The following AACS variants were observed in gnomAD, a reference collection of about 807,000 sequenced individuals.
The protein encoded by AACS is acetoacetyl-CoA synthetase, also known as acetoacetate-CoA ligase.
Under a neutral mutation model 83.1 loss-of-function variants are expected in AACS, and 69 were observed. The ratio of observed to expected loss-of-function variants is 0.83; its 90% CI spans 0.68 to 1.01. The LOEUF (loss-of-function observed/expected upper bound fraction) is 1.01, where lower values mean the gene tolerates loss of function less well. AACS is among the 50% of genes least tolerant of loss of function. The pLI, the probability that AACS is intolerant of heterozygous loss-of-function variation, is 0.00. For synonymous variants in AACS, 333 were observed against 343.4 expected (o/e 0.97, Z 0.33); for missense variants, 866 against 882.2 (o/e 0.98, Z 0.23).
At position 125,130,983 on chromosome 12, in the gene AACS, G is replaced by C. The variant is rs369853731; in HGVS notation, c.1549+1523G>C. 6.6e-6 allele frequency among the ~76,000 whole-genome samples: 1 copy of C among 152,158 alleles called. No homozygotes were observed. Among genetic ancestry groups the C allele is most frequent in the African/African-American group, 2.4e-5 (1 of 41,440 alleles). ...CTTAGACCCTTCCTCAAGCACCAGC[G>C]CTGAGAGATTCTTGGGCTGTATAGG... On this transcript the variant is annotated intron_variant, in intron 14 of 17. Coordinates refer to ENST00000316519, the MANE Select transcript of AACS (RefSeq NM_023928.5). This position sits in a 1 kb window ranked among gnomAD's most constrained non-coding sequence, Gnocchi z 4.9.
At chr12:125,121,638 A>G (rs1386322939) in intron 10 of AACS, 1 of 152,210 alleles carries the variant, frequency 6.6e-6, no homozygotes, top group Non-Finnish European at 1.5e-5. Context: ...TCTGGACAGA[A>G]TTAGGGCCAG....
At chr12:125,093,077 GC>G (rs75428090) in intron 5 of AACS, among the ~76,000 whole-genome samples, 1,843 of 152,334 alleles carry the variant, frequency 0.012, 33 homozygotes, top group East Asian at 0.094. Flanking sequence ...TTTGTGTGGA[GC>G]CGGGGACAGG....
At chr12:125,121,764 A>AGG (rs1433096632) in intron 10 of AACS, 2 of 152,284 alleles carry the variant, frequency 1.3e-5, no homozygotes, top group Non-Finnish European at 2.9e-5. Flanking sequence ...TCTAGAGGGC[A>AGG]GGGGCCTCGT....
In AACS at chr12:125,140,637, AG is replaced by A. The variant is rs1261879489; in HGVS notation, c.1882-1453del. 1 of 151,502 alleles carries A rather than the reference AG, an allele frequency of 6.6e-6. No individual in the cohort carries two copies. The highest frequency in any genetic ancestry group is 2.4e-5 in the African/African-American group (1 of 41,292). 9.4% of individuals were successfully genotyped at this position (151,502 alleles called of 1,614,324 possible). On this transcript the variant is annotated intron_variant, in intron 17 of 17. Coordinates refer to ENST00000316519, the MANE Select transcript of AACS (RefSeq NM_023928.5). This position sits in a 1 kb window ranked among gnomAD's most constrained non-coding sequence, Gnocchi z 5.1. ...AAAAAAAAAAAGGCGCCAGTGATCG[AG>A]GACTCGTCACTGGGCTCTGTTGCTC...
At chr12:125,132,026 T>G (rs1253741156) in intron 14 of AACS, among the ~76,000 whole-genome samples, 10 of 152,248 alleles carry the variant, frequency 6.6e-5, no homozygotes, top group Non-Finnish European at 1.5e-4. Context: ...TCCCACTGTA[T>G]TTCCACTTTC....
At chr12:125,107,293 A>G (rs995468117) in intron 8 of AACS, 25 bp downstream of exon 8, 13 of 1,610,308 alleles carry the variant, frequency 8.1e-6, no homozygotes, top group Non-Finnish European at 1.1e-5. Flanking sequence ...AAGGCTCTGC[A>G]GGGCCTCCTG....
chr12:125,077,868 C>T (rs909007729), intron 3 of AACS, among the ~76,000 whole-genome samples: 12 of 152,102 alleles, frequency 7.9e-5, no homozygotes, highest in African/African-American at 2.9e-4. Context: ...ACCACCATTG[C>T]TGGCTAATTT....
intron 9 of AACS, among the ~76,000 whole-genome samples, chr12:125,117,082 C>T (rs1957067114): frequency 6.6e-6 from 1 of 152,042 alleles, no homozygotes; most frequent in Non-Finnish European, 1.5e-5. Flanking sequence ...GCTGAGACCA[C>T]AGGTGCACTC....
intron 3 of AACS, among the ~76,000 whole-genome samples, chr12:125,081,473 C>T (rs2136054819): frequency 6.6e-6 from 1 of 152,276 alleles, no homozygotes; most frequent in African/African-American, 2.4e-5. Context: ...GCATGTTTTT[C>T]CTGACTTGTT....
Position 125,113,290 on chromosome 12 carries a change from A to T in AACS, c.916-1187A>T, listed in dbSNP as rs1441850418. ...GTTTTAATATATAAGTCCTTGCTTC[A>T]GCCTTCTAGGCCCTCCACAACCAGG... On this transcript the variant is annotated intron_variant, in intron 8 of 17. Coordinates refer to ENST00000316519, the MANE Select transcript of AACS (RefSeq NM_023928.5). This position sits in a 1 kb window ranked among gnomAD's most constrained non-coding sequence, Gnocchi z 4.8. Among the ~76,000 whole-genome samples, 1 of 152,246 alleles carries T rather than the reference A, an allele frequency of 6.6e-6. No homozygotes were observed. Among genetic ancestry groups the T allele is most frequent in the Non-Finnish European group, 1.5e-5 (1 of 68,038 alleles).
chr12:125,136,603 G>T, intron 16 of AACS, 59 bp from the exon 17 acceptor site: 2 of 1,498,700 alleles, frequency 1.3e-6, no homozygotes, highest in Non-Finnish European at 9.2e-7. Flanking sequence ...TTGCTGTGAG[G>T]CCCGACCCCA....
Position 125,133,993 on chromosome 12 carries a change from G to A in AACS, c.1550-10G>A. 6.2e-7 allele frequency: 1 copy of A among 1,614,152 alleles called. No homozygotes were observed. ...CTCGGGATGACCGGGCACCTCTGCT[G>A]TCTTTGCAGGTATCTGGGCTCATGG... On this transcript the variant is annotated splice_polypyrimidine_tract_variant and intron_variant, in intron 14 of 17. Coordinates refer to ENST00000316519, the MANE Select transcript of AACS (RefSeq NM_023928.5).
chr12:125,075,361 G>A (rs1275859317), intron 2 of AACS, among the ~76,000 whole-genome samples: 7 of 150,100 alleles, frequency 4.7e-5, no homozygotes, highest in Non-Finnish European at 3.0e-5. Context: ...AGTGCATCTC[G>A]GCTCACTGCA....
Position 125,103,025 on chromosome 12 carries a change from G to A in AACS, c.711G>A (p.Val237=), listed in dbSNP as rs1956749969. The change falls in exon 7 of 18, where the codon GTG becomes GTA. Residue 237 remains valine, a synonymous_variant. Coordinates refer to ENST00000316519, the MANE Select transcript of AACS (RefSeq NM_023928.5). ...GCCTACCAGACTTGAAGAAAGTGGT[G>A]GTGATTCCTTATGTGTCCTCCAGAG... ...VKGLPDLKKV[V]VIPYVSSREN... 2.5e-6 allele frequency: 4 copies of A among 1,613,920 alleles called. No individual in the cohort carries two copies. The highest frequency in any genetic ancestry group is 3.4e-6 in the Non-Finnish European group (4 of 1,180,010).
chr12:125,087,897 C>G (rs926964799), intron 4 of AACS, among the ~76,000 whole-genome samples: 1 of 152,228 alleles, frequency 6.6e-6, no homozygotes, highest in South Asian at 2.1e-4. Flanking sequence ...CCTCCTGTCT[C>G]AGCCCTTGGC....
rs1189283298 is a variant in AACS, at chr12:125,129,926, T to C, written c.1549+466T>C. On this transcript the variant is annotated intron_variant, in intron 14 of 17. Coordinates refer to ENST00000316519, the MANE Select transcript of AACS (RefSeq NM_023928.5). The surrounding 1 kb of genome is among the most constrained non-coding windows in gnomAD (Gnocchi z 4.3). ...GAAGAGCGCTTTTGCGGTGGAAGCATTTACAACCCGACACGTCACTCTCAC... is the reference window on the plus strand; with the variant it reads ...GAAGAGCGCTTTTGCGGTGGAAGCACTTACAACCCGACACGTCACTCTCAC... Among the ~76,000 whole-genome samples the C allele has an allele frequency of 6.6e-6, 1 of 151,640 alleles. No individual in the cohort carries two copies. The highest frequency in any genetic ancestry group is 1.9e-4 in the East Asian group (1 of 5,132).
chr12:125,109,848 G>A (rs1956914015), intron 8 of AACS, among the ~76,000 whole-genome samples: 1 of 152,146 alleles, frequency 6.6e-6, no homozygotes, highest in Non-Finnish European at 1.5e-5. Context: ...GGGTATGTCT[G>A]GTGTCTCCTC....
Position 125,065,631 on chromosome 12 carries a change from A to C in AACS, c.47A>C (p.Gln16Pro), listed in dbSNP as rs368846302. 5.3e-5 allele frequency: 82 copies of C among 1,539,276 alleles called. No individual in the cohort carries two copies. Among genetic ancestry groups the C allele is most frequent in the Non-Finnish European group, 7.1e-5 (81 of 1,141,008 alleles). Residue 16 changes from glutamine to proline, a missense_variant, in exon 1 of 18, where the codon CAG becomes CCG. By Grantham distance (76) the Gln-to-Pro change is moderately conservative. Transcript: ENST00000316519. ...RPGREEILEC[Q>P]VMWEPDSKKN... ...GGTCGGGAGGAGATCCTGGAGTGCC[A>C]GGTGATGTGGGAGCCTGACAGTAAG... is the stretch of plus-strand genomic sequence containing the variant.
intron 9 of AACS, among the ~76,000 whole-genome samples, chr12:125,116,815 G>A (rs1027057345): frequency 1.7e-4 from 26 of 152,070 alleles, no homozygotes; most frequent in African/African-American, 6.0e-4. Context: ...TTCATGTCCT[G>A]CAGCCCTGGG....
Sources: allele counts gnomAD v4.1 joint callset (sites outside exome capture counted in the v4.1 genomes callset), GRCh38; gene constraint gnomAD v4.1.1; non-coding constraint Gnocchi (gnomAD v3.1); transcripts MANE v1.5; gene names NCBI Gene and HGNC (gene_info 2026-07-23, HGNC 2026-07-21).